The following CELSR1 variants were observed in gnomAD, a reference collection of about 807,000 sequenced individuals.
CELSR1 encodes the protein adhesion G protein-coupled receptor C1.
A neutral mutation model predicts 249.1 loss-of-function variants in CELSR1; 110 were observed. The ratio of observed to expected loss-of-function variants is 0.44; its 90% CI spans 0.38 to 0.52. The LOEUF is 0.52. Among genes scored for constraint, CELSR1 ranks in the 20% least tolerant of loss-of-function variants. The pLI is 0.00. For missense variants in CELSR1, 4,109 were observed against 4,296.4 expected (o/e 0.96, Z 1.22); for synonymous variants, 2,113 against 1,900.0 (o/e 1.11, Z -2.92).
intron 1 of CELSR1, among the ~76,000 whole-genome samples, chr22:46,478,798 C>T (rs1329354955): frequency 1.3e-5 from 2 of 151,542 alleles, no homozygotes; most frequent in African/African-American, 4.9e-5. Flanking sequence ...GTGATCTGTC[C>T]GCCTCGGCCT....
chr22:46,418,444 AACTAC>A (rs1204631949), intron 5 of CELSR1, among the ~76,000 whole-genome samples: 2 of 152,170 alleles, frequency 1.3e-5, no homozygotes, highest in East Asian at 3.8e-4. Context: ...GAGATTGTAC[AACTAC>A]ACTCCAGCCT....
In CELSR1 at chr22:46,362,102, G is replaced by T. The variant is rs575113430; in HGVS notation, c.*1121C>A. ...GAGTTAGAGAATTGGCAGGAGGTATGTAACGGCCTGGAAGGCCCCACACCT... is the reference window on the plus strand; with the variant it reads ...GAGTTAGAGAATTGGCAGGAGGTATTTAACGGCCTGGAAGGCCCCACACCT... On this transcript the variant is annotated 3_prime_UTR_variant, in exon 35 of 35. Transcript: ENST00000674500. 2 of 152,410 alleles carry T rather than the reference G, an allele frequency of 1.3e-5. No individual in the cohort carries two copies. The highest frequency in any genetic ancestry group is 4.1e-4 in the South Asian group (2 of 4,832). 9.4% of individuals were successfully genotyped at this position (152,410 alleles called of 1,614,324 possible).
In CELSR1 at chr22:46,436,057, C is replaced by T. The variant is rs1030255121; in HGVS notation, c.4522+117G>A. 2.7e-6 allele frequency: 2 copies of T among 735,810 alleles called. No individual in the cohort carries two copies. Among genetic ancestry groups the T allele is most frequent in the African/African-American group, 1.7e-5 (1 of 57,160 alleles). The allele number at this position is 735,810 out of a possible 1,614,324, so 45.6% of individuals were successfully genotyped here. On this transcript the variant is annotated intron_variant, in intron 4 of 34. Transcript: ENST00000674500. The surrounding 1 kb of genome is among the most constrained non-coding windows in gnomAD (Gnocchi z 5.9). ...TAAATAAGACAGCTTCCTAGACCTA[C>T]AAGTGAGGGATGAAAGGGTAAGCAG...
rs201866541 is a variant in CELSR1, at chr22:46,535,322, C to A, written c.1849G>T (p.Ala617Ser). 2.4e-5 allele frequency: 38 copies of A among 1,611,802 alleles called. No individual in the cohort carries two copies. The Middle Eastern group carries it at 4.9e-4, about 21-fold the overall frequency. Residue 617 changes from alanine to serine, a missense_variant, in exon 1 of 35, where the codon GCT becomes TCT. Transcript: ENST00000674500. ...TASTFLGGGS[A>S]GPKNPAPTPD... ...GTGGGGGCAGGATTCTTAGGCCCAG[C>A]GCTGCCGCCCCCCAGAAAGGTGGAG...
In CELSR1 at chr22:46,446,764, A is replaced by C. The variant is rs1189187163; in HGVS notation, c.4184-7353T>G. Among the ~76,000 whole-genome samples the C allele has an allele frequency of 6.6e-6, 1 of 152,200 alleles. No homozygotes were observed. Among genetic ancestry groups the C allele is most frequent in the Non-Finnish European group, 1.5e-5 (1 of 68,042 alleles). On this transcript the variant is annotated intron_variant, in intron 2 of 34. Transcript: ENST00000674500. This position sits in a 1 kb window ranked among gnomAD's most constrained non-coding sequence, Gnocchi z 5.5. ...CGACATAATTCCCATATTTGATTCA[A>C]ATAGTGCAGGAAAGGTGTTGATGAA...
Position 46,391,572 on chromosome 22 carries a change from C to A in CELSR1, c.6148+61G>T. ...CCCAGCGTGCATGCACACACGTGCA[C>A]GCCAGTGCAGCAGCCTGTCCCCGCG... is the stretch of plus-strand genomic sequence containing the variant. On this transcript the variant is annotated intron_variant, in intron 15 of 34. Transcript: ENST00000674500. The surrounding 1 kb of genome is among the most constrained non-coding windows in gnomAD (Gnocchi z 4.3). The A allele has an allele frequency of 6.8e-7, 1 of 1,477,130 alleles. No individual in the cohort carries two copies. The highest frequency in any genetic ancestry group is 9.0e-7 in the Non-Finnish European group (1 of 1,114,756). The allele number at this position is 1,477,130 out of a possible 1,614,324, so 91.5% of individuals were successfully genotyped here. A position where few individuals can be genotyped will look rare whatever the true frequency, so the allele number is the denominator to read the frequency against.
rs2080872302 is a variant in CELSR1, at chr22:46,537,526, CCCGGCGCGGGGCGGGG to C, written c.-372_-357del. Among the ~76,000 whole-genome samples, 1 of 148,206 alleles carries C rather than the reference CCCGGCGCGGGGCGGGG, an allele frequency of 6.7e-6. No homozygotes were observed. The highest frequency in any genetic ancestry group is 1.5e-5 in the Non-Finnish European group (1 of 66,658). ...GGACGGGCGTGGGAAGCGGGGCGGGCCCGGCGCGGGGCGGGGGCTGAGTTCCCGGAGCGGGCTGGGC... is the reference window on the plus strand; with the variant it reads ...GGACGGGCGTGGGAAGCGGGGCGGGCGCTGAGTTCCCGGAGCGGGCTGGGC... On this transcript the variant is annotated 5_prime_UTR_variant, in exon 1 of 35. Coordinates refer to ENST00000674500, the MANE Select transcript of CELSR1 (RefSeq NM_001378328.1). The surrounding 1 kb of genome is among the most constrained non-coding windows in gnomAD (Gnocchi z 5.8).
rs964266633 is a variant in CELSR1, at chr22:46,537,606, C to T, written c.-436G>A. ...GCAGACCCCGGCGGCCGGCTGCTGC[C>T]TGGGCGGTGCGCTTGGCCCGCGCCC... On this transcript the variant is annotated 5_prime_UTR_variant, in exon 1 of 35. Coordinates refer to ENST00000674500, the MANE Select transcript of CELSR1 (RefSeq NM_001378328.1). This position sits in a 1 kb window ranked among gnomAD's most constrained non-coding sequence, Gnocchi z 5.8. Among the ~76,000 whole-genome samples, 5 of 147,830 alleles carry T rather than the reference C, an allele frequency of 3.4e-5. No homozygotes were observed. Among genetic ancestry groups the T allele is most frequent in the African/African-American group, 1.2e-4 (5 of 40,956 alleles).
intron 2 of CELSR1, among the ~76,000 whole-genome samples, chr22:46,442,144 G>C (rs147717292): frequency 6.6e-6 from 1 of 152,196 alleles, no homozygotes; most frequent in Non-Finnish European, 1.5e-5. Flanking sequence ...GCAAAACTCC[G>C]TCTCAAACAA....
At chr22:46,520,510 G>C (rs775984818) in intron 1 of CELSR1, among the ~76,000 whole-genome samples, 1 of 152,146 alleles carries the variant, frequency 6.6e-6, no homozygotes, top group Admixed American at 6.6e-5. Flanking sequence ...ACCCAGGCTA[G>C]TGTAAAATGG....
chr22:46,402,851 T>C lies in CELSR1; in HGVS notation c.5227-2949A>G, dbSNP rs981472482. Among the ~76,000 whole-genome samples, 7 of 152,042 alleles carry C rather than the reference T, an allele frequency of 4.6e-5. No individual in the cohort carries two copies. The highest frequency in any genetic ancestry group is 8.8e-5 in the Non-Finnish European group (6 of 67,986). The stretch of plus-strand genomic sequence containing the variant: ...TAAGATGCTCATATTTAAAGATAAC[T>C]TCAAAAAATAGCCTAGATTTTAGAA... On this transcript the variant is annotated intron_variant, in intron 9 of 34. Transcript: ENST00000674500. The surrounding 1 kb of genome is among the most constrained non-coding windows in gnomAD (Gnocchi z 5.0).
At chr22:46,378,545 T>A in intron 23 of CELSR1, 46 bp downstream of exon 23, 3 of 1,528,420 alleles carry the variant, frequency 2.0e-6, no homozygotes, top group Non-Finnish European at 2.7e-6. Context: ...AGGGGCAGGT[T>A]TGGCGGTAGG....
intron 5 of CELSR1, among the ~76,000 whole-genome samples, chr22:46,416,344 G>A (rs938693882): frequency 2.0e-5 from 3 of 152,314 alleles, no homozygotes; most frequent in Non-Finnish European, 2.9e-5. Flanking sequence ...GGGCTCAGCT[G>A]GGTACTGCGC....
At chr22:46,394,717 G>GC (rs1349125215) in intron 13 of CELSR1, among the ~76,000 whole-genome samples, 1 of 152,172 alleles carries the variant, frequency 6.6e-6, no homozygotes, top group Non-Finnish European at 1.5e-5. Flanking sequence ...AGGTCCCCTG[G>GC]CCCCCAGACC....
At position 46,365,322 on chromosome 22, in the gene CELSR1, G is replaced by C. The variant is rs1289093215; in HGVS notation, c.8463C>G (p.Ala2821=). Residue 2821 remains alanine (A), a synonymous_variant, in exon 32 of 35, where the codon GCC becomes GCG. Transcript: ENST00000674500. The stretch of plus-strand genomic sequence containing the variant: ...CCTCGCTGTCTGACGAGTGTGAGGA[G>C]GCGTAAGAGCTGCTCTGCTCATCCA... ...LSLDEQSSSY[A]SSHSSDSEDD... is the part of the protein sequence containing the mutation. 2 of 1,612,852 alleles carry C rather than the reference G, an allele frequency of 1.2e-6. No individual in the cohort carries two copies. The highest frequency in any genetic ancestry group is 1.7e-6 in the Non-Finnish European group (2 of 1,179,982).
chr22:46,423,859 C>T lies in CELSR1; in HGVS notation c.4611+9534G>A, dbSNP rs1243274436. 6.6e-6 allele frequency among the ~76,000 whole-genome samples: 1 copy of T among 151,898 alleles called. No individual in the cohort carries two copies. The highest frequency in any genetic ancestry group is 1.5e-5 in the Non-Finnish European group (1 of 68,012). ...TGGTGGTGGTGCGCACCTGTAATCC[C>T]AGCTACTTGGGAGGCTGAGGGCAGG... On this transcript the variant is annotated intron_variant, in intron 5 of 34. Coordinates refer to ENST00000674500, the MANE Select transcript of CELSR1 (RefSeq NM_001378328.1). The surrounding 1 kb of genome is among the most constrained non-coding windows in gnomAD (Gnocchi z 5.6).
At chr22:46,376,854 A>G (rs983395898) in intron 24 of CELSR1, among the ~76,000 whole-genome samples, 7 of 151,414 alleles carry the variant, frequency 4.6e-5, no homozygotes, top group African/African-American at 1.7e-4. Context: ...ATCTCCCAAT[A>G]GAGTCAAAGT....
rs751621951 is a variant in CELSR1, at chr22:46,378,644, G to C, written c.7330C>G (p.Gln2444Glu). Residue 2444 changes from glutamine to glutamate, a missense_variant, in exon 23 of 35, where the codon CAG becomes GAG. By Grantham distance (29) the Gln-to-Glu change is conservative. This residue lies in a region of CELSR1 where 1,805 missense variants were observed against 1,831.6 expected (regional missense o/e 0.99). Transcript: ENST00000674500. ...GCAAAGCTGGCTGTGTGGCTGCACT[G>C]GCAGGCGACATGTGTCCGGTTCCTG... ...LSRNRTHVAC[Q>E]CSHTASFAVL... The C allele has an allele frequency of 1.2e-6, 2 of 1,606,412 alleles. No homozygotes were observed. The highest frequency in any genetic ancestry group is 1.7e-6 in the Non-Finnish European group (2 of 1,177,738).
In CELSR1 at chr22:46,363,294, T is replaced by C; in HGVS notation, c.9036-47A>G. On this transcript the variant is annotated intron_variant, in intron 34 of 34. Transcript: ENST00000674500. This position sits in a 1 kb window ranked among gnomAD's most constrained non-coding sequence, Gnocchi z 4.3. The stretch of plus-strand genomic sequence containing the variant: ...CAAGCAGGTGAAGGGTCAGTGAGGG[T>C]AGCGGCTTGGTGGGGCCCAAGGTTG... 1.3e-6 allele frequency: 2 copies of C among 1,547,506 alleles called. No homozygotes were observed. Among genetic ancestry groups the C allele is most frequent in the South Asian group, 1.1e-5 (1 of 88,908 alleles).
Sources: allele counts gnomAD v4.1 joint callset (sites outside exome capture counted in the v4.1 genomes callset), GRCh38; gene constraint gnomAD v4.1.1; regional missense constraint gnomAD v4.1.1; non-coding constraint Gnocchi (gnomAD v3.1); transcripts MANE v1.5; gene names NCBI Gene and HGNC (gene_info 2026-07-23, HGNC 2026-07-21).